Variants in NCOR2 observed in about 807,000 individuals in gnomAD.
The protein encoded by NCOR2 is nuclear receptor corepressor 2, also known as CTG repeat protein 26.
NCOR2 carries 81 observed loss-of-function variants against 262.9 expected under a neutral mutation model. That is an observed-to-expected ratio of 0.31 (90% CI 0.26 to 0.37). The LOEUF is 0.37. NCOR2 is among the 10% of genes least tolerant of loss of function. The pLI is 1.00. For missense variants in NCOR2, 3,385 were observed against 3,621.4 expected, an observed-to-expected ratio of 0.93 and a Z score of 1.68; for synonymous variants, 1,659 against 1,559.3, an observed-to-expected ratio of 1.06 and a Z score of -1.51.
intron 1 of NCOR2, among the ~76,000 whole-genome samples, chr12:124,509,142 A>G (rs2049229899): frequency 6.8e-6 from 1 of 147,090 alleles, no homozygotes; most frequent in African/African-American, 2.6e-5. Context: ...GCCACACCCC[A>G]ATTTCCCTGG....
chr12:124,356,597 T>A, intron 23 of NCOR2, 45 bp downstream of exon 25: 1 of 1,394,712 alleles, frequency 7.2e-7, no homozygotes, highest in Non-Finnish European at 9.4e-7. Flanking sequence ...CAAACAGCGA[T>A]TGTGCACTGG....
intron 7 of NCOR2, among the ~76,000 whole-genome samples, chr12:124,448,831 G>A (rs561004738): frequency 5.9e-5 from 9 of 152,288 alleles, no homozygotes; most frequent in South Asian, 2.1e-4. Context: ...TCCCAGGAAC[G>A]CTTGAACAAT....
chr12:124,436,697 A>G (rs12310644), intron 8 of NCOR2, among the ~76,000 whole-genome samples: 3,460 of 152,328 alleles, frequency 0.023, 134 homozygotes, highest in African/African-American at 0.079. Context: ...CATCTGTGAT[A>G]CCATCCGAGA....
At chr12:124,379,498 C>G (rs1224283690) in intron 17 of NCOR2, among the ~76,000 whole-genome samples, 2 of 152,214 alleles carry the variant, frequency 1.3e-5, no homozygotes, top group Non-Finnish European at 2.9e-5. Context: ...ATCGTGGAGG[C>G]AGCATCTCGA....
chr12:124,341,758 G>A, intron 34 of NCOR2, 65 bp downstream of exon 36: 3 of 1,543,376 alleles, frequency 1.9e-6, no homozygotes, highest in Admixed American at 1.8e-5. Context: ...GAGGCCACAG[G>A]GGCACGCCCA....
intron 31 of NCOR2, among the ~76,000 whole-genome samples, chr12:124,345,422 G>GA (rs2036838011): frequency 6.6e-6 from 1 of 152,148 alleles, no homozygotes; most frequent in South Asian, 2.1e-4. Context: ...CAGGGCTGAG[G>GA]TGTTTGCCCT....
intron 13 of NCOR2, among the ~76,000 whole-genome samples, chr12:124,414,919 G>A (rs1009705161): frequency 3.9e-5 from 6 of 152,252 alleles, no homozygotes; most frequent in East Asian, 1.9e-4. Context: ...GCAGGGGCTC[G>A]TGTGCTCCAT....
intron 1 of NCOR2, among the ~76,000 whole-genome samples, chr12:124,515,240 C>T (rs1021053641): frequency 1.3e-5 from 2 of 152,150 alleles, no homozygotes; most frequent in East Asian, 1.9e-4. Flanking sequence ...TGATGGCATG[C>T]GCCTGTAGTC....
intron 28 of NCOR2, 137 bp downstream of exon 30, chr12:124,350,450 T>C: frequency 8.8e-7 from 1 of 1,135,806 alleles, no homozygotes. Context: ...CTTGCATACC[T>C]GCAGGGATAA....
At chr12:124,374,284 A>G (rs1330355065) in intron 19 of NCOR2, 129 bp downstream of exon 21, 7 of 923,974 alleles carry the variant, frequency 7.6e-6, no homozygotes, top group Non-Finnish European at 5.0e-6. Context: ...GAGGCCGCGG[A>G]GCACAAACGG....
Position 124,378,125 on chromosome 12 carries a change from G to C in NCOR2, c.2167+112C>G. The C allele has an allele frequency of 6.6e-7, 1 of 1,514,034 alleles. No homozygotes were observed. The highest frequency in any genetic ancestry group is 8.8e-7 in the Non-Finnish European group (1 of 1,134,416). The allele number at this position is 1,514,034 out of a possible 1,614,324, so 93.8% of individuals were successfully genotyped here. ...AGGGAGTCGAGGCCCCTTCTAAGGAGGACCCAGATGACTCAGGGGAGAGGA... is the reference window on the plus strand; with the variant it reads ...AGGGAGTCGAGGCCCCTTCTAAGGACGACCCAGATGACTCAGGGGAGAGGA... On this transcript the variant is annotated intron_variant, in intron 18 of 46. Transcript: ENST00000405201. The surrounding 1 kb of genome is among the most constrained non-coding windows in gnomAD (Gnocchi z 4.2).
exon 38 of NCOR2, chr12:124,336,809 C>A: frequency 1.2e-6 from 2 of 1,613,204 alleles, no homozygotes; most frequent in South Asian, 1.1e-5. Flanking sequence ...AGTCTTTTCC[C>A]GGTGCGGGTC....
chr12:124,349,690 C>T lies in NCOR2; in HGVS notation c.3844+897G>A, dbSNP rs764006183. On this transcript the variant is annotated intron_variant, in intron 28 of 46. Coordinates refer to ENST00000405201, the Ensembl canonical transcript of NCOR2. ...CCCCGACTGAAACCCATGATGAAGA[C>T]GATACGCTGAAGGCCTATAAAGGCT... Among the ~76,000 whole-genome samples, 7 of 152,282 alleles carry T rather than the reference C, an allele frequency of 4.6e-5. 1 individual carries two copies. The highest frequency in any genetic ancestry group is 6.5e-5 in the Admixed American group (1 of 15,296).
chr12:124,560,676 G>A (rs991093853), intron 1 of NCOR2, among the ~76,000 whole-genome samples: 4 of 152,196 alleles, frequency 2.6e-5, no homozygotes, highest in Non-Finnish European at 4.4e-5. Context: ...ATTTAAGGCC[G>A]ACATATGCCA....
exon 9 of NCOR2, chr12:124,430,767 G>A (rs755337844): frequency 1.9e-6 from 3 of 1,612,368 alleles, no homozygotes; most frequent in Non-Finnish European, 2.5e-6. Flanking sequence ...GCTGGTCATA[G>A]CGCTGGCAGA....
At chr12:124,495,438 C>T (rs1461386753), upstream of NCOR2, 5 of 1,222,494 alleles carry the variant, frequency 4.1e-6, no homozygotes, top group East Asian at 5.4e-5. The surrounding 1 kb of genome is among the most constrained non-coding windows in gnomAD (Gnocchi z 4.4). Flanking sequence ...CACAGGTCCC[C>T]GAGTCGTTCC....
intron 1 of NCOR2, among the ~76,000 whole-genome samples, chr12:124,527,574 C>A (rs552157424): frequency 6.6e-6 from 1 of 152,212 alleles, no homozygotes; most frequent in Non-Finnish European, 1.5e-5. Context: ...CCCGCCACCA[C>A]GCCCGGCTAA....
chr12:124,408,095 C>T (rs981181631), intron 13 of NCOR2, among the ~76,000 whole-genome samples: 1 of 152,052 alleles, frequency 6.6e-6, no homozygotes, highest in African/African-American at 2.4e-5. Flanking sequence ...TGGCTCACGC[C>T]TGTAATCCCA....
At chr12:124,441,755 C>G (rs907468129) in intron 7 of NCOR2, among the ~76,000 whole-genome samples, 1 of 152,208 alleles carries the variant, frequency 6.6e-6, no homozygotes, top group African/African-American at 2.4e-5. Context: ...TAGTAAAGAA[C>G]AGAGCAAAGG....
Sources: gnomAD v4.1 joint callset for allele counts (sites outside exome capture counted in the v4.1 genomes callset) on GRCh38, gnomAD v4.1.1 for gene constraint, Gnocchi (gnomAD v3.1) non-coding constraint, MANE v1.5 for transcripts, NCBI Gene and HGNC (gene_info 2026-07-23, HGNC 2026-07-21) for gene names.